Variants in ARHGAP8 observed in about 807,000 individuals in gnomAD.
ARHGAP8 encodes Rho GTPase activating protein 8, also known as rho GTPase-activating protein 8.
A neutral mutation model predicts 46.1 loss-of-function variants in ARHGAP8; 62 were observed. That is an observed-to-expected ratio of 1.34 (90% CI 1.10 to 1.66). The LOEUF (loss-of-function observed/expected upper bound fraction) is 1.66, where lower values mean the gene tolerates loss of function less well. Among genes scored for constraint, ARHGAP8 ranks in the 40% most tolerant of loss-of-function variants. The probability of loss-of-function intolerance (pLI) is 0.00; values close to 1 mark genes in which losing one functional copy is unlikely to be tolerated. For synonymous variants in ARHGAP8, 375 were observed against 243.1 expected (o/e 1.54, Z -5.05); for missense variants, 923 against 568.4 (o/e 1.62, Z -6.34).
At chr22:44,783,770 C>G (rs2349850) in intron 1 of ARHGAP8, among the ~76,000 whole-genome samples, 139,083 of 151,944 alleles carry the variant, frequency 0.92, 63,795 homozygotes, top group Non-Finnish European at 0.94. Context: ...TGGCGGCCGG[C>G]TGTACCTCCG....
chr22:44,861,967 C>T (rs8138821), intron 11 of ARHGAP8, among the ~76,000 whole-genome samples: 27,645 of 152,120 alleles, frequency 0.18, 2,704 homozygotes, highest in East Asian at 0.34. Flanking sequence ...GTGCTACAGC[C>T]CATCCCCAAG....
At chr22:44,859,291 G>T (rs2070347795) in intron 10 of ARHGAP8, among the ~76,000 whole-genome samples, 1 of 152,182 alleles carries the variant, frequency 6.6e-6, no homozygotes, top group African/African-American at 2.4e-5. Flanking sequence ...TACCTCATGG[G>T]TTGGTGCTGT....
At chr22:44,808,654 TTC>T (rs1929111502) in intron 4 of ARHGAP8, 2 of 889,942 alleles carry the variant, frequency 2.2e-6, no homozygotes, top group Admixed American at 4.1e-5. Context: ...TTTTTTTTCT[TTC>T]TTTCTTTTTT....
At chr22:44,861,520 A>C (rs1028285809) in intron 11 of ARHGAP8, among the ~76,000 whole-genome samples, 6 of 151,308 alleles carry the variant, frequency 4.0e-5, no homozygotes, top group Non-Finnish European at 8.9e-5. Flanking sequence ...TCCTCAACAG[A>C]TCTGTGAGGG....
chr22:44,821,293 G>C (rs1055953661), intron 5 of ARHGAP8, among the ~76,000 whole-genome samples: 3 of 152,056 alleles, frequency 2.0e-5, no homozygotes, highest in African/African-American at 7.2e-5. Context: ...AGCCAGGCGT[G>C]GTGGTGTGCA....
At chr22:44,762,192 A>G (rs1362241945) in intron 1 of ARHGAP8, among the ~76,000 whole-genome samples, 1 of 152,212 alleles carries the variant, frequency 6.6e-6, no homozygotes, top group East Asian at 1.9e-4. Context: ...GATCCCAGTG[A>G]GCCGGAAGGC....
At chr22:44,797,591 G>A (rs768363548) in intron 2 of ARHGAP8, among the ~76,000 whole-genome samples, 1 of 152,220 alleles carries the variant, frequency 6.6e-6, no homozygotes, top group Non-Finnish European at 1.5e-5. Context: ...ACTGTGAAAT[G>A]AAGAGGATGC....
intron 10 of ARHGAP8, among the ~76,000 whole-genome samples, chr22:44,854,024 C>CAAAAAAAAAAA (rs71315119): frequency 2.3e-5 from 1 of 43,304 alleles, no homozygotes; most frequent in Non-Finnish European, 4.0e-5. Context: ...GACTCTGTCT[C>CAAAAAAAAAAA]AAAAAAAAAA....
rs202074513 is a variant in ARHGAP8, at chr22:44,862,274, G to A, written c.982-1G>A. ...CTTTACTTGTGTGTGGTTTCCTCCAGGTGTCCCGGGAGAGCATCTTCAACA... is the reference window on the plus strand; with the variant it reads ...CTTTACTTGTGTGTGGTTTCCTCCAAGTGTCCCGGGAGAGCATCTTCAACA... On this transcript the variant is annotated splice_acceptor_variant, in intron 11 of 11. Coordinates refer to ENST00000356099, the MANE Select transcript of ARHGAP8 (RefSeq NM_181335.3). LOFTEE classifies it high-confidence loss of function. The A allele has an allele frequency of 4.6e-5, 73 of 1,586,388 alleles. No homozygotes were observed. The Admixed American group carries it at 1.2e-3, about 26-fold the overall frequency.
At chr22:44,770,268 AAAAAC>A (rs1029561112) in intron 1 of ARHGAP8, among the ~76,000 whole-genome samples, 3 of 152,060 alleles carry the variant, frequency 2.0e-5, no homozygotes, top group Non-Finnish European at 2.9e-5. Flanking sequence ...AACAAACAAA[AAAAAC>A]AAAAAGAAAA....
At position 44,763,017 on chromosome 22, in the gene ARHGAP8, G is replaced by A. The variant is rs186699715; in HGVS notation, c.-72+10390G>A. 4.8e-3 allele frequency among the ~76,000 whole-genome samples: 725 copies of A among 152,192 alleles called. 2 individuals carry two copies. The highest frequency in any genetic ancestry group is 6.0e-3 in the Non-Finnish European group (409 of 68,010). On this transcript the variant is annotated intron_variant, in intron 1 of 11. Transcript: ENST00000356099. Reference sequence around the variant, plus strand: ...AGGGGAGAGAGACTGGAGGGTGAGCGGATCACCAATGGCCAGTGATTTATC... The same window carrying A: ...AGGGGAGAGAGACTGGAGGGTGAGCAGATCACCAATGGCCAGTGATTTATC...
At chr22:44,787,049 AAAG>A (rs1927309333) in intron 2 of ARHGAP8, among the ~76,000 whole-genome samples, 3 of 151,312 alleles carry the variant, frequency 2.0e-5, no homozygotes, top group African/African-American at 7.3e-5. Context: ...AAAAAAAAAA[AAAG>A]AAAGAAGTAA....
At chr22:44,808,022 A>G (rs1288172496) in intron 3 of ARHGAP8, among the ~76,000 whole-genome samples, 1 of 152,236 alleles carries the variant, frequency 6.6e-6, no homozygotes, top group Admixed American at 6.5e-5. Flanking sequence ...AGATAAGGTC[A>G]CATTCTCAGG....
intron 10 of ARHGAP8, among the ~76,000 whole-genome samples, chr22:44,857,325 C>T (rs1056395957): frequency 2.0e-5 from 3 of 152,158 alleles, no homozygotes; most frequent in Admixed American, 6.5e-5. Context: ...GTGTTCCAGC[C>T]AAGGGTACCT....
At chr22:44,753,330 T>C (rs897479907) in intron 1 of ARHGAP8, among the ~76,000 whole-genome samples, 1 of 152,014 alleles carries the variant, frequency 6.6e-6, no homozygotes, top group Non-Finnish European at 1.5e-5. Context: ...CAAGCGATTC[T>C]TGTGCCTCAG....
At chr22:44,857,345 G>C (rs1057506968) in intron 10 of ARHGAP8, among the ~76,000 whole-genome samples, 7 of 152,158 alleles carry the variant, frequency 4.6e-5, no homozygotes, top group African/African-American at 1.7e-4. Flanking sequence ...TCATCCCCAT[G>C]ACTAGAAACT....
At chr22:44,758,326 G>A (rs1179703814) in intron 1 of ARHGAP8, among the ~76,000 whole-genome samples, 1 of 152,156 alleles carries the variant, frequency 6.6e-6, no homozygotes, top group African/African-American at 2.4e-5. Flanking sequence ...GGAGGCTGAG[G>A]CAGGAGAATC....
chr22:44,854,618 C>G (rs2070177477), intron 10 of ARHGAP8, among the ~76,000 whole-genome samples: 1 of 151,860 alleles, frequency 6.6e-6, no homozygotes, highest in African/African-American at 2.4e-5. Context: ...ATGGGTAACT[C>G]AGAAGATGCA....
At chr22:44,785,393 G>A (rs915973039) in intron 1 of ARHGAP8, among the ~76,000 whole-genome samples, 2 of 152,122 alleles carry the variant, frequency 1.3e-5, no homozygotes, top group South Asian at 2.1e-4. Context: ...GCACTTTCCC[G>A]AAGGCTCCAG....
Sources: allele counts gnomAD v4.1 joint callset (sites outside exome capture counted in the v4.1 genomes callset), GRCh38; gene constraint gnomAD v4.1.1; transcripts MANE v1.5; gene names NCBI Gene and HGNC (gene_info 2026-07-23, HGNC 2026-07-21).